GABRG3: variants seen among roughly 807,000 people sequenced by gnomAD.
GABRG3 encodes gamma-aminobutyric acid type A receptor subunit gamma3.
GABRG3 carries 25 observed loss-of-function variants against 48.8 expected under a neutral mutation model. The ratio of observed to expected loss-of-function variants is 0.51; its 90% CI spans 0.37 to 0.72. GABRG3 has a LOEUF of 0.72. Among genes scored for constraint, GABRG3 ranks in the 30% least tolerant of loss-of-function variants. The pLI is 0.00. For synonymous variants in GABRG3, 227 were observed against 217.6 expected (o/e 1.04, Z -0.38); for missense variants, 394 against 577.9 (o/e 0.68, Z 3.26).
intron 3 of GABRG3, among the ~76,000 whole-genome samples, chr15:27,311,353 C>T (rs1315013019): frequency 2.0e-5 from 3 of 152,132 alleles, no homozygotes; most frequent in African/African-American, 7.2e-5. Context: ...CCCAGATTTT[C>T]CTTGGGGAGG....
intron 3 of GABRG3, among the ~76,000 whole-genome samples, chr15:27,088,696 A>G (rs952352125): frequency 1.3e-5 from 2 of 152,082 alleles, no homozygotes; most frequent in African/African-American, 4.8e-5. Flanking sequence ...GAGGTAAACA[A>G]CCAGAGCTCC....
At chr15:27,390,054 T>C (rs1896175062) in intron 5 of GABRG3, among the ~76,000 whole-genome samples, 1 of 152,212 alleles carries the variant, frequency 6.6e-6, no homozygotes, top group South Asian at 2.1e-4. Flanking sequence ...GGGTATAAAT[T>C]TCCCATGATG....
intron 3 of GABRG3, among the ~76,000 whole-genome samples, chr15:27,145,665 T>TATCTATCTATCTATATATC (rs57021410): frequency 1.4e-5 from 2 of 138,356 alleles, no homozygotes; most frequent in African/African-American, 5.9e-5. Context: ...ATCTATCTAT[T>TATCTATCTATCTATATATC]GTGCCAGAAG....
intron 3 of GABRG3, among the ~76,000 whole-genome samples, chr15:27,249,338 C>G (rs566818933): frequency 6.6e-5 from 10 of 152,316 alleles, no homozygotes; most frequent in East Asian, 3.9e-4. Flanking sequence ...CAGAAGCCCC[C>G]AGATTTCCTC....
rs1213305463 is a variant in GABRG3, at chr15:27,306,444, A to G, written c.271-20365A>G. Among the ~76,000 whole-genome samples, 10 of 140,312 alleles carry G rather than the reference A, an allele frequency of 7.1e-5. No homozygotes were observed. The East Asian group carries it at 2.2e-3, about 31-fold the overall frequency. 92.1% of individuals were successfully genotyped at this position (140,312 alleles called of 152,430 possible). On this transcript the variant is annotated intron_variant, in intron 3 of 9. Transcript: ENST00000615808. ...ACATGTAAACATATAATACGAACAT[A>G]TGTCTACATATAAACATAAACATGT...
chr15:27,158,990 T>C (rs1898505020), intron 3 of GABRG3, among the ~76,000 whole-genome samples: 1 of 152,164 alleles, frequency 6.6e-6, no homozygotes, highest in South Asian at 2.1e-4. Context: ...CACAGGCCAT[T>C]GTAGTCAGGA....
Position 26,971,546 on chromosome 15 carries a change from A to G in GABRG3, c.11A>G (p.Lys4Arg), listed in dbSNP as rs1894843630. 2 of 1,529,734 alleles carry G rather than the reference A, an allele frequency of 1.3e-6. No homozygotes were observed. Among genetic ancestry groups the G allele is most frequent in the Non-Finnish European group, 1.8e-6 (2 of 1,138,964 alleles). The allele number at this position is 1,529,734 out of a possible 1,614,324, so 94.8% of individuals were successfully genotyped here. MAPKLLLLLCLFSG... is the reference protein window; with the variant it reads MAPRLLLLLCLFSG... ...GAGCTCCACGGCACCATGGCCCCGA[A>G]GCTGCTGCTCCTCCTCTGCCTGTTC... Residue 4 changes from lysine to arginine, a missense_variant, in exon 1 of 10, where the codon AAG becomes AGG. Coordinates refer to ENST00000615808, the MANE Select transcript of GABRG3 (RefSeq NM_033223.5).
intron 5 of GABRG3, among the ~76,000 whole-genome samples, chr15:27,393,072 G>T (rs182267055): frequency 6.6e-6 from 1 of 152,114 alleles, no homozygotes; most frequent in Non-Finnish European, 1.5e-5. Flanking sequence ...TGGTCTGGGC[G>T]CAGTGGCTCA....
intron 5 of GABRG3, among the ~76,000 whole-genome samples, chr15:27,471,059 G>A (rs1211850698): frequency 6.6e-6 from 1 of 152,146 alleles, no homozygotes; most frequent in Non-Finnish European, 1.5e-5. Flanking sequence ...TCCACACAGA[G>A]CCAGCTGAAC....
At chr15:27,078,044 T>A (rs1036873446) in intron 3 of GABRG3, among the ~76,000 whole-genome samples, 2 of 152,262 alleles carry the variant, frequency 1.3e-5, no homozygotes, top group African/African-American at 4.8e-5. Context: ...CAGACGGGGC[T>A]TTCCTTGTGT....
At chr15:27,485,299 G>A (rs1383154132) in intron 6 of GABRG3, among the ~76,000 whole-genome samples, 1 of 152,126 alleles carries the variant, frequency 6.6e-6, no homozygotes, top group African/African-American at 2.4e-5. Flanking sequence ...TTATCTCAGA[G>A]AGAAAGGAAG....
chr15:27,415,493 T>C (rs573498713), intron 5 of GABRG3, among the ~76,000 whole-genome samples: 1 of 152,164 alleles, frequency 6.6e-6, no homozygotes, highest in African/African-American at 2.4e-5. Context: ...AGTTTTACAT[T>C]CCTAAATAAG....
intron 3 of GABRG3, among the ~76,000 whole-genome samples, chr15:27,042,054 G>A (rs1896285481): frequency 6.6e-6 from 1 of 152,164 alleles, no homozygotes; most frequent in Admixed American, 6.5e-5. Context: ...TGGAAACTAA[G>A]GCAGGGAGCC....
intron 2 of GABRG3, among the ~76,000 whole-genome samples, chr15:27,021,371 C>G (rs1895891422): frequency 6.6e-6 from 1 of 152,184 alleles, no homozygotes; most frequent in Non-Finnish European, 1.5e-5. Context: ...GTAAATCACA[C>G]AGACCTGCCT....
At chr15:27,068,297 C>T (rs1435166323) in intron 3 of GABRG3, among the ~76,000 whole-genome samples, 2 of 152,240 alleles carry the variant, frequency 1.3e-5, no homozygotes, top group East Asian at 3.9e-4. Flanking sequence ...GCTCGCACTG[C>T]AGGAGCTGGG....
intron 2 of GABRG3, among the ~76,000 whole-genome samples, chr15:26,996,150 T>G (rs2140651446): frequency 6.6e-6 from 1 of 152,240 alleles, no homozygotes; most frequent in South Asian, 2.1e-4. Context: ...TTGAGAAGAT[T>G]TATACAATTA....
intron 3 of GABRG3, chr15:27,271,500 G>C: frequency 2.2e-6 from 1 of 454,116 alleles, no homozygotes; most frequent in Non-Finnish European, 4.4e-6. Context: ...AACAGGCCAC[G>C]CCCCGGAGCC....
chr15:27,215,407 A>G (rs1159051629), intron 3 of GABRG3, among the ~76,000 whole-genome samples: 1 of 152,130 alleles, frequency 6.6e-6, no homozygotes, highest in East Asian at 1.9e-4. Context: ...AGGATTGGAG[A>G]GAAGCAAGGG....
chr15:27,154,206 G>T (rs932538476), intron 3 of GABRG3, among the ~76,000 whole-genome samples: 1 of 152,154 alleles, frequency 6.6e-6, no homozygotes, highest in Non-Finnish European at 1.5e-5. Flanking sequence ...CTGTTGATAT[G>T]TGGCATGGTG....
Sources: allele counts gnomAD v4.1 joint callset (sites outside exome capture counted in the v4.1 genomes callset), GRCh38; gene constraint gnomAD v4.1.1; transcripts MANE v1.5; gene names NCBI Gene and HGNC (gene_info 2026-07-23, HGNC 2026-07-21).